ZNF710: variants seen among roughly 807,000 people sequenced by gnomAD.
The protein encoded by ZNF710 is zinc finger protein 710.
A neutral mutation model predicts 50.6 loss-of-function variants in ZNF710; 13 were observed. The observed-to-expected ratio is 0.26, with a 90% CI of 0.17 to 0.41. The LOEUF (loss-of-function observed/expected upper bound fraction) is 0.41, where lower values mean the gene tolerates loss of function less well. ZNF710 is among the 10% of genes least tolerant of loss of function. The pLI is 1.00. For synonymous variants in ZNF710, 383 were observed against 397.0 expected, an observed-to-expected ratio of 0.96 and a Z score of 0.42; for missense variants, 721 against 936.6, an observed-to-expected ratio of 0.77 and a Z score of 3.01.
intron 2 of ZNF710, among the ~76,000 whole-genome samples, chr15:90,072,500 C>G (rs768690132): frequency 6.6e-5 from 10 of 152,142 alleles, no homozygotes; most frequent in Non-Finnish European, 1.5e-4. Flanking sequence ...CTACATAGAC[C>G]TAAGTGCCAT....
At chr15:90,009,364 C>T (rs1898237241) in intron 1 of ZNF710, among the ~76,000 whole-genome samples, 1 of 152,042 alleles carries the variant, frequency 6.6e-6, no homozygotes, top group South Asian at 2.1e-4. Context: ...ATCCTCGGGC[C>T]CTGGGCTCAC....
chr15:90,011,933 G>A lies in ZNF710; in HGVS notation c.-29+10319G>A, dbSNP rs373582518. On this transcript the variant is annotated intron_variant, in intron 1 of 4. Coordinates refer to ENST00000268154, the MANE Select transcript of ZNF710 (RefSeq NM_198526.4). The stretch of plus-strand genomic sequence containing the variant: ...GATATTAAGAAGCTGGGGGCTGGGC[G>A]TGGTGGCTCACGCCCGTAACCCCAG... Among the ~76,000 whole-genome samples, 7 of 152,316 alleles carry A rather than the reference G, an allele frequency of 4.6e-5. 1 individual carries two copies. Among genetic ancestry groups the A allele is most frequent in the South Asian group, 2.1e-4 (1 of 4,828 alleles).
intron 1 of ZNF710, among the ~76,000 whole-genome samples, chr15:90,056,128 G>A (rs1233989029): frequency 7.0e-6 from 1 of 142,784 alleles, no homozygotes; most frequent in African/African-American, 2.6e-5. Context: ...AAAAAAAAAA[G>A]GCCAGATGCA....
chr15:90,064,565 G>A (rs1313685858), intron 1 of ZNF710, among the ~76,000 whole-genome samples: 1 of 152,176 alleles, frequency 6.6e-6, no homozygotes, highest in African/African-American at 2.4e-5. Context: ...TCTGCTCACT[G>A]CAACTTCCGC....
At chr15:90,020,703 CA>C (rs1207571665) in intron 1 of ZNF710, among the ~76,000 whole-genome samples, 1 of 152,176 alleles carries the variant, frequency 6.6e-6, no homozygotes, top group Non-Finnish European at 1.5e-5. Flanking sequence ...TCCTTTTTCT[CA>C]AAGTGCCAGC....
At chr15:90,030,593 A>C (rs1193690673) in intron 1 of ZNF710, among the ~76,000 whole-genome samples, 2 of 152,028 alleles carry the variant, frequency 1.3e-5, no homozygotes, top group Non-Finnish European at 2.9e-5. Flanking sequence ...TGTGTTAACC[A>C]GTGGGGGAGG....
At chr15:90,063,680 C>T (rs1010288796) in intron 1 of ZNF710, among the ~76,000 whole-genome samples, 6 of 152,214 alleles carry the variant, frequency 3.9e-5, no homozygotes, top group East Asian at 3.9e-4. Flanking sequence ...GAAAGGGGCC[C>T]GGTGTGGACG....
chr15:90,035,984 A>C (rs1899111392), intron 1 of ZNF710, among the ~76,000 whole-genome samples: 2 of 152,112 alleles, frequency 1.3e-5, no homozygotes, highest in Non-Finnish European at 2.9e-5. Context: ...TGAAGTCCTC[A>C]TGCTTCCAAG....
chr15:90,019,187 C>CTTTTTTTCTTTTT (rs1898539772), intron 1 of ZNF710, among the ~76,000 whole-genome samples: 1 of 89,388 alleles, frequency 1.1e-5, no homozygotes. Context: ...CTTTTTCTTT[C>CTTTTTTTCTTTTT]TTTTTTTTTT....
chr15:90,066,962 A>G, intron 1 of ZNF710, 148 bp from the exon 2 acceptor site: 1 of 795,222 alleles, frequency 1.3e-6, no homozygotes, highest in Non-Finnish European at 1.9e-6. Context: ...CTATAATAAC[A>G]AGTGTGCCCT....
intron 1 of ZNF710, among the ~76,000 whole-genome samples, chr15:90,057,076 C>T (rs1341264191): frequency 6.6e-6 from 1 of 152,158 alleles, no homozygotes; most frequent in Non-Finnish European, 1.5e-5. Context: ...CTCACTCTAC[C>T]CCATGGCGCT....
intron 1 of ZNF710, among the ~76,000 whole-genome samples, chr15:90,028,811 G>A (rs753273127): frequency 2.6e-4 from 40 of 152,110 alleles, no homozygotes; most frequent in Non-Finnish European, 5.6e-4. Flanking sequence ...GATCGATTAC[G>A]GACATGCAAG....
intron 4 of ZNF710, chr15:90,074,853 A>T (rs2151539052): frequency 3.6e-6 from 1 of 278,604 alleles, no homozygotes; most frequent in Admixed American, 5.2e-5. Flanking sequence ...CAGAGGGGAG[A>T]TCTGAGCTTC....
At chr15:90,055,567 G>A (rs925289983) in intron 1 of ZNF710, among the ~76,000 whole-genome samples, 8 of 152,228 alleles carry the variant, frequency 5.3e-5, no homozygotes, top group Non-Finnish European at 1.2e-4. Flanking sequence ...ATTGGTACAA[G>A]CATAAGGCTT....
intron 1 of ZNF710, among the ~76,000 whole-genome samples, chr15:90,054,810 C>T (rs1899759510): frequency 2.0e-5 from 3 of 152,172 alleles, no homozygotes; most frequent in Admixed American, 2.0e-4. Flanking sequence ...TGCTTCTGGA[C>T]TTGGAGGAAA....
chr15:90,048,754 G>A (rs927235891), intron 1 of ZNF710, among the ~76,000 whole-genome samples: 8 of 152,214 alleles, frequency 5.3e-5, no homozygotes, highest in Middle Eastern at 3.2e-3. Context: ...AAAAGAGGTA[G>A]CATCTGTGAC....
Position 90,080,380 on chromosome 15 carries a change from GCTC to G in ZNF710, c.*555_*557del, listed in dbSNP as rs1168025620. ...TTCTACCTCCCGGGGTCTCCCATGC[GCTC>G]CTCAAGCCAGGTGTGCACGTGGCCC... On this transcript the variant is annotated 3_prime_UTR_variant, in exon 5 of 5. Coordinates refer to ENST00000268154, the MANE Select transcript of ZNF710 (RefSeq NM_198526.4). 1 of 153,096 alleles carries G rather than the reference GCTC, an allele frequency of 6.5e-6. No individual in the cohort carries two copies. The highest frequency in any genetic ancestry group is 1.5e-5 in the Non-Finnish European group (1 of 68,438). The allele number at this position is 153,096 out of a possible 1,614,324, so 9.5% of individuals were successfully genotyped here.
At chr15:90,029,966 G>C (rs1433136857) in intron 1 of ZNF710, among the ~76,000 whole-genome samples, 1 of 151,994 alleles carries the variant, frequency 6.6e-6, no homozygotes, top group Non-Finnish European at 1.5e-5. Context: ...ACAATCATAT[G>C]AGCAGTTATT....
chr15:90,067,433 C>A lies in ZNF710; in HGVS notation c.296C>A (p.Thr99Lys). Residue 99 changes from threonine (T) to lysine (K), a missense_variant, in exon 2 of 5, where the codon ACG (threonine) becomes AAG (lysine). Coordinates refer to ENST00000268154, the MANE Select transcript of ZNF710 (RefSeq NM_198526.4). This position sits in a 1 kb window ranked among gnomAD's most constrained non-coding sequence, Gnocchi z 8.1. ...AACEKHTRRK[T>K]RPPVRLVPKV... ...TGTGAGAAGCACACCCGGCGGAAGA[C>A]GCGGCCACCTGTGCGGTTGGTGCCC... The A allele has an allele frequency of 6.2e-7, 1 of 1,606,882 alleles. No homozygotes were observed. The highest frequency in any genetic ancestry group is 8.5e-7 in the Non-Finnish European group (1 of 1,176,392).
Sources: allele counts gnomAD v4.1 joint callset (sites outside exome capture counted in the v4.1 genomes callset), GRCh38; gene constraint gnomAD v4.1.1; non-coding constraint Gnocchi (gnomAD v3.1); transcripts MANE v1.5; gene names NCBI Gene and HGNC (gene_info 2026-07-23, HGNC 2026-07-21).